The following MARCHF2 variants were observed in gnomAD, a reference collection of about 807,000 sequenced individuals.
The protein encoded by MARCHF2 is E3 ubiquitin-protein ligase MARCHF2.
In MARCHF2, 22 loss-of-function variants were observed where a neutral mutation model predicts 24.0. That is an observed-to-expected ratio of 0.92 (90% CI 0.66 to 1.31). The LOEUF is 1.31. Ranked by LOEUF, MARCHF2 falls within the 50% of genes most tolerant of loss-of-function variation. The pLI is 0.00. For synonymous variants in MARCHF2, 154 were observed against 153.0 expected (o/e 1.01, Z -0.05); for missense variants, 301 against 335.3 (o/e 0.90, Z 0.80).
intron 4 of MARCHF2, among the ~76,000 whole-genome samples, chr19:8,434,281 C>T (rs1967657013): frequency 6.6e-6 from 1 of 151,830 alleles, no homozygotes; most frequent in African/African-American, 2.4e-5. Flanking sequence ...GACGGGGTTT[C>T]GCCATGTTGG....
chr19:8,425,966 G>A (rs767771803), intron 2 of MARCHF2, among the ~76,000 whole-genome samples: 22 of 151,380 alleles, frequency 1.5e-4, no homozygotes, highest in Non-Finnish European at 2.8e-4. Context: ...GGTGGCTCAC[G>A]CCTGTAATCC....
At chr19:8,413,783 G>A (rs566253762) in intron 1 of MARCHF2, 1 of 152,356 alleles carries the variant, frequency 6.6e-6, no homozygotes, top group South Asian at 2.1e-4. Flanking sequence ...GAGCGGCTCT[G>A]CCTGCAAAAT....
rs758791707 is a variant in MARCHF2, at chr19:8,426,565, C to G, written c.177-44C>G. On this transcript the variant is annotated intron_variant, in intron 2 of 4. Transcript: ENST00000215555. ...CAGTGGGTAGTGAAGCAGGTATAGA[C>G]AGAAAGCCCAATCATTGCTCATGGG... The G allele has an allele frequency of 3.9e-6, 6 of 1,553,324 alleles. No individual in the cohort carries two copies. The East Asian group carries it at 1.1e-4, about 29-fold the overall frequency.
intron 4 of MARCHF2, among the ~76,000 whole-genome samples, chr19:8,437,756 T>G (rs112994394): frequency 0.013 from 1,899 of 150,082 alleles, 42 homozygotes; most frequent in African/African-American, 0.043. Context: ...ATTAAAAAAA[T>G]TTTTTTGAGA....
intron 1 of MARCHF2, among the ~76,000 whole-genome samples, chr19:8,419,810 C>T (rs61370781): frequency 6.9e-5 from 9 of 130,534 alleles, no homozygotes; most frequent in African/African-American, 2.2e-4. Context: ...AGCAAGACTC[C>T]GTCTCAAAAA....
At chr19:8,433,757 G>A (rs1258287396) in intron 4 of MARCHF2, among the ~76,000 whole-genome samples, 3 of 151,568 alleles carry the variant, frequency 2.0e-5, no homozygotes, top group South Asian at 4.2e-4. Context: ...CTAGCTACTC[G>A]GGAGGCTGAG....
At chr19:8,436,630 C>G (rs1041354201) in intron 4 of MARCHF2, among the ~76,000 whole-genome samples, 2 of 148,440 alleles carry the variant, frequency 1.3e-5, no homozygotes, top group African/African-American at 5.0e-5. Context: ...TGGTTTATTT[C>G]ATTTGGTGAT....
At position 8,437,347 on chromosome 19, in the gene MARCHF2, C is replaced by CTTTT. The variant is rs1156296451; in HGVS notation, c.583-1040_583-1039insTTTT. Among the ~76,000 whole-genome samples, 46 of 113,940 alleles carry CTTTT rather than the reference C, an allele frequency of 4.0e-4. 11 individuals are homozygous for CTTTT. The highest frequency in any genetic ancestry group is 5.7e-4 in the African/African-American group (21 of 36,898). 74.7% of individuals were successfully genotyped at this position (113,940 alleles called of 152,430 possible). On this transcript the variant is annotated intron_variant, in intron 4 of 4. Coordinates refer to ENST00000215555, the MANE Select transcript of MARCHF2 (RefSeq NM_001005415.2). Reference sequence around the variant, plus strand: ...CACCACTGTTTATTTATTCATTCACCTATTTTTTTTTTTTTTTTTTTTGAG... The same window carrying CTTTT: ...CACCACTGTTTATTTATTCATTCACCTTTTTATTTTTTTTTTTTTTTTTTTTGAG...
intron 3 of MARCHF2, 107 bp downstream of exon 3, chr19:8,426,911 C>A: frequency 1.0e-6 from 1 of 970,946 alleles, no homozygotes; most frequent in African/African-American, 1.6e-5. Flanking sequence ...TAGGGCAGAA[C>A]TCCCTACCGC....
At chr19:8,429,949 T>C (rs1222419062) in intron 3 of MARCHF2, among the ~76,000 whole-genome samples, 6 of 152,006 alleles carry the variant, frequency 3.9e-5, no homozygotes, top group Non-Finnish European at 8.8e-5. Flanking sequence ...ACTATGTAGC[T>C]GTGTGAGTTT....
intron 1 of MARCHF2, among the ~76,000 whole-genome samples, chr19:8,414,295 A>G (rs967568229): frequency 6.6e-6 from 1 of 150,798 alleles, no homozygotes; most frequent in Admixed American, 6.6e-5. Context: ...TTTTAGACAG[A>G]GTCTCTCTCT....
At chr19:8,433,675 CAAA>C (rs143853447) in intron 4 of MARCHF2, among the ~76,000 whole-genome samples, 4 of 90,712 alleles carry the variant, frequency 4.4e-5, no homozygotes, top group Non-Finnish European at 4.5e-5. Flanking sequence ...GACTCCGTCT[CAAA>C]AAAAAAAAAA....
chr19:8,416,657 C>T (rs948839597), intron 1 of MARCHF2, among the ~76,000 whole-genome samples: 17 of 152,066 alleles, frequency 1.1e-4, no homozygotes, highest in Admixed American at 2.6e-4. Flanking sequence ...GCAGCCTCAA[C>T]CTGGGTGCAA....
At chr19:8,431,711 G>A (rs985322527) in intron 4 of MARCHF2, among the ~76,000 whole-genome samples, 1 of 151,508 alleles carries the variant, frequency 6.6e-6, no homozygotes, top group African/African-American at 2.4e-5. Context: ...GGTGGTGGGT[G>A]CCTGTAATCC....
chr19:8,438,709 T>G lies in MARCHF2; in HGVS notation c.*163T>G. 1.6e-6 allele frequency: 1 copy of G among 614,478 alleles called. No homozygotes were observed. The highest frequency in any genetic ancestry group is 2.7e-6 in the Non-Finnish European group (1 of 366,962). 38.1% of individuals were successfully genotyped at this position (614,478 alleles called of 1,614,324 possible). On this transcript the variant is annotated 3_prime_UTR_variant, in exon 5 of 5. Coordinates refer to ENST00000215555, the MANE Select transcript of MARCHF2 (RefSeq NM_001005415.2). ...CCATGCAGAGCCTAGTCTGTGATCC[T>G]GTGTGAAGATATTTTCAGGGTTTTT...
rs1184820822 is a variant in MARCHF2, at chr19:8,438,731, T to G, written c.*185T>G. 182 of 293,438 alleles carry G rather than the reference T, an allele frequency of 6.2e-4. No individual in the cohort carries two copies. The highest frequency in any genetic ancestry group is 3.6e-3 in the South Asian group (55 of 15,288). 18.2% of individuals were successfully genotyped at this position (293,438 alleles called of 1,614,324 possible). On this transcript the variant is annotated 3_prime_UTR_variant, in exon 5 of 5. Transcript: ENST00000215555. Reference sequence around the variant, plus strand: ...TCCTGTGTGAAGATATTTTCAGGGTTTTTTTTTTTTTTTTTTTGCATATGG... The same window carrying G: ...TCCTGTGTGAAGATATTTTCAGGGTGTTTTTTTTTTTTTTTTTGCATATGG...
chr19:8,436,628 T>G (rs1006843056), intron 4 of MARCHF2, among the ~76,000 whole-genome samples: 2 of 152,024 alleles, frequency 1.3e-5, no homozygotes, highest in African/African-American at 2.4e-5. Context: ...GTTGGTTTAT[T>G]TCATTTGGTG....
At chr19:8,416,815 C>T (rs533895951) in intron 1 of MARCHF2, among the ~76,000 whole-genome samples, 1 of 152,284 alleles carries the variant, frequency 6.6e-6, no homozygotes, top group African/African-American at 2.4e-5. Context: ...GATCCTCCCA[C>T]CTCAGCCCCC....
intron 1 of MARCHF2, among the ~76,000 whole-genome samples, chr19:8,418,201 G>A (rs541195872): frequency 6.6e-6 from 1 of 152,324 alleles, no homozygotes; most frequent in South Asian, 2.1e-4. Flanking sequence ...TAAGGTTCTG[G>A]TTGCAGGGAC....
Sources: allele counts gnomAD v4.1 joint callset (sites outside exome capture counted in the v4.1 genomes callset), GRCh38; gene constraint gnomAD v4.1.1; transcripts MANE v1.5; gene names NCBI Gene and HGNC (gene_info 2026-07-23, HGNC 2026-07-21).